CCDC93: variants seen among roughly 807,000 people sequenced by gnomAD.
CCDC93 encodes coiled-coil domain-containing protein 93.
Under a neutral mutation model 108.2 loss-of-function variants are expected in CCDC93, and 61 were observed. The observed-to-expected ratio is 0.56, with a 90% confidence interval of 0.46 to 0.70. CCDC93 has a LOEUF of 0.70. Ranked by LOEUF, CCDC93 falls within the 30% of genes least tolerant of loss-of-function variation. CCDC93 has a pLI of 0.00. For missense variants in CCDC93, 685 were observed against 764.2 expected (o/e 0.90, Z 1.22); for synonymous variants, 276 against 260.4 (o/e 1.06, Z -0.58).
At chr2:117,925,033 A>G (rs1013158919) in intron 23 of CCDC93, among the ~76,000 whole-genome samples, 1 of 152,232 alleles carries the variant, frequency 6.6e-6, no homozygotes, top group Non-Finnish European at 1.5e-5. Flanking sequence ...ACTAAGCTTC[A>G]TAAGTGAAGG....
chr2:117,957,529 T>C (rs1276158650), intron 12 of CCDC93, among the ~76,000 whole-genome samples: 1 of 152,200 alleles, frequency 6.6e-6, no homozygotes, highest in Non-Finnish European at 1.5e-5. Context: ...TCCAGTTAAT[T>C]CATGCTCCTG....
At chr2:117,926,565 C>T (rs1231224939) in intron 23 of CCDC93, among the ~76,000 whole-genome samples, 1 of 152,082 alleles carries the variant, frequency 6.6e-6, no homozygotes, top group East Asian at 1.9e-4. Context: ...CAAGACTAAA[C>T]GAGGAAGAAG....
intron 6 of CCDC93, 35 bp downstream of exon 6, chr2:117,995,411 G>A (rs750575695): frequency 6.6e-7 from 1 of 1,525,426 alleles, no homozygotes; most frequent in Non-Finnish European, 9.1e-7. Flanking sequence ...AGGCTACGCA[G>A]GACTCTGACA....
At chr2:117,973,581 C>A (rs1013400259) in intron 11 of CCDC93, among the ~76,000 whole-genome samples, 1 of 152,056 alleles carries the variant, frequency 6.6e-6, no homozygotes, top group Non-Finnish European at 1.5e-5. Context: ...CAAACTGAGC[C>A]CAAGTTATAA....
chr2:117,932,415 G>A (rs1678371007), intron 22 of CCDC93, among the ~76,000 whole-genome samples: 1 of 152,132 alleles, frequency 6.6e-6, no homozygotes, highest in African/African-American at 2.4e-5. Flanking sequence ...GACTACACAG[G>A]ACAAATGCAA....
intron 8 of CCDC93, among the ~76,000 whole-genome samples, chr2:117,977,686 C>T (rs558425068): frequency 1.3e-5 from 2 of 152,182 alleles, no homozygotes; most frequent in East Asian, 3.9e-4. Flanking sequence ...ATGAGGAGTG[C>T]TCTGGGAGCC....
Position 117,996,258 on chromosome 2 carries a change from A to G in CCDC93, c.462+6T>C. The stretch of plus-strand genomic sequence containing the variant: ...TGGGACAAGAAAATAAAATCACAAT[A>G]CTGACCTCAGGGAGACTGTAAGTCT... On this transcript the variant is annotated splice_donor_region_variant and intron_variant, in intron 5 of 23. Coordinates refer to ENST00000376300, the MANE Select transcript of CCDC93 (RefSeq NM_019044.5). The G allele has an allele frequency of 6.4e-7, 1 of 1,574,218 alleles. No homozygotes were observed. The highest frequency in any genetic ancestry group is 8.7e-7 in the Non-Finnish European group (1 of 1,143,894).
intron 11 of CCDC93, among the ~76,000 whole-genome samples, chr2:117,961,442 A>G (rs1256180778): frequency 6.6e-6 from 1 of 152,208 alleles, no homozygotes; most frequent in Non-Finnish European, 1.5e-5. Context: ...CTCTGAGTTT[A>G]GAGACAGTGC....
chr2:117,933,549 C>CG (rs1385840741), intron 22 of CCDC93, among the ~76,000 whole-genome samples: 3 of 152,096 alleles, frequency 2.0e-5, no homozygotes, highest in African/African-American at 7.2e-5. Context: ...AACCCTCAGA[C>CG]GGGGCATAAA....
In CCDC93 at chr2:117,915,523, A is replaced by AATC. The variant is rs1226159113; in HGVS notation, c.*4817_*4819dup. The AATC allele has an allele frequency of 6.6e-6, 1 of 152,222 alleles. No individual in the cohort carries two copies. The highest frequency in any genetic ancestry group is 1.9e-4 in the East Asian group (1 of 5,194). The allele number at this position is 152,222 out of a possible 1,614,324, so 9.4% of individuals were successfully genotyped here. A position where few individuals can be genotyped will look rare whatever the true frequency, so the allele number is the denominator to read the frequency against. ...TATCTTTAAGAAAGCAGATTTAGAG[A>AATC]ATCAGAATTTTCTTCCATTTTGGTT... On this transcript the variant is annotated 3_prime_UTR_variant, in exon 24 of 24. Transcript: ENST00000376300.
rs929940643 is a variant in CCDC93 at position 117,954,124 on chromosome 2, T to G, written c.1006-1689A>C. ...GGCTCTAGGAAAGGTCCCCGGGATCTTCCCACCTGCTTCACCCACCTTCTT... is the reference window on the plus strand; with the variant it reads ...GGCTCTAGGAAAGGTCCCCGGGATCGTCCCACCTGCTTCACCCACCTTCTT... On this transcript the variant is annotated intron_variant, in intron 12 of 23. Coordinates refer to ENST00000376300, the MANE Select transcript of CCDC93 (RefSeq NM_019044.5). Among the ~76,000 whole-genome samples, 18 of 152,294 alleles carry G rather than the reference T, an allele frequency of 1.2e-4. No individual in the cohort carries two copies. In the East Asian group the frequency reaches 1.3e-3, roughly 11 times the overall value.
At chr2:117,975,768 T>G (rs1445622717) in intron 8 of CCDC93, among the ~76,000 whole-genome samples, 1 of 152,202 alleles carries the variant, frequency 6.6e-6, no homozygotes, top group East Asian at 1.9e-4. Flanking sequence ...TTCAGGGGTA[T>G]TAGTGTGTGT....
chr2:117,944,513 A>G (rs1298109419), intron 17 of CCDC93, among the ~76,000 whole-genome samples: 1 of 152,214 alleles, frequency 6.6e-6, no homozygotes, highest in African/African-American at 2.4e-5. Context: ...AGTGCGGAAC[A>G]GAACATTTCT....
chr2:117,990,636 A>G (rs796650101), intron 6 of CCDC93, among the ~76,000 whole-genome samples: 26 of 456 alleles, frequency 0.057, no homozygotes, highest in African/African-American at 0.059. Context: ...AAGTGAAGAA[A>G]AAAAAAAAAA....
At chr2:117,987,031 TA>T (rs1680342122) in intron 6 of CCDC93, among the ~76,000 whole-genome samples, 1 of 100,038 alleles carries the variant, frequency 1.0e-5, no homozygotes, top group Admixed American at 1.3e-4. Flanking sequence ...TGGATTCTTC[TA>T]TTAAAAAAAA....
intron 23 of CCDC93, among the ~76,000 whole-genome samples, chr2:117,926,722 C>T (rs936598556): frequency 5.9e-5 from 9 of 152,184 alleles, no homozygotes; most frequent in Non-Finnish European, 1.2e-4. Flanking sequence ...CCTTCTGAAA[C>T]TATTCCAATC....
chr2:117,958,806 A>G (rs1005454214), intron 11 of CCDC93, among the ~76,000 whole-genome samples: 1 of 152,232 alleles, frequency 6.6e-6, no homozygotes, highest in Admixed American at 6.5e-5. Context: ...GGCCATAGTA[A>G]TATCTTCATA....
intron 11 of CCDC93, among the ~76,000 whole-genome samples, chr2:117,965,266 G>A (rs1023135205): frequency 2.6e-5 from 4 of 151,870 alleles, no homozygotes; most frequent in Admixed American, 6.6e-5. Flanking sequence ...TCCACAAACC[G>A]ATGCTGCTAG....
intron 23 of CCDC93, among the ~76,000 whole-genome samples, chr2:117,925,499 C>T (rs1334437945): frequency 1.3e-5 from 2 of 152,066 alleles, no homozygotes; most frequent in African/African-American, 2.4e-5. Context: ...AGACTTTAAA[C>T]CGACAAAGAT....
Sources: allele counts gnomAD v4.1 joint callset (sites outside exome capture counted in the v4.1 genomes callset), GRCh38; gene constraint gnomAD v4.1.1; transcripts MANE v1.5; gene names NCBI Gene and HGNC (gene_info 2026-07-23, HGNC 2026-07-21).